The following PHLPP1 variants were observed in gnomAD, a reference collection of about 807,000 sequenced individuals.
PHLPP1 encodes the protein PH domain and leucine rich repeat protein phosphatase 1.
A neutral mutation model predicts 117.2 loss-of-function variants in PHLPP1; 42 were observed. The observed-to-expected ratio is 0.36, with a 90% CI of 0.28 to 0.46. The LOEUF is 0.46. Ranked by LOEUF, PHLPP1 falls within the 20% of genes least tolerant of loss-of-function variation. The pLI, the probability that PHLPP1 is intolerant of heterozygous loss-of-function variation, is 1.00. For missense variants in PHLPP1, 2,084 were observed against 2,241.9 expected (o/e 0.93, Z 1.42); for synonymous variants, 1,042 against 970.7 (o/e 1.07, Z -1.37).
intron 4 of PHLPP1, among the ~76,000 whole-genome samples, chr18:62,870,333 A>G (rs1599093741): frequency 6.6e-6 from 1 of 152,332 alleles, no homozygotes; most frequent in East Asian, 1.9e-4. Context: ...CCTCTTATAT[A>G]CATATATTTA....
rs906953515 is a variant in PHLPP1, at chr18:62,762,242, T to TA, written c.1576+44986dup. Among the ~76,000 whole-genome samples, 23 of 151,674 alleles carry TA rather than the reference T, an allele frequency of 1.5e-4. 1 individual carries two copies. The South Asian group carries it at 3.5e-3, about 23-fold the overall frequency. ...CATCTGTATTGAACAGATTGAGTCC[T>TA]AAAGAGGGAATTGATTGTTTAGGAT... On this transcript the variant is annotated intron_variant, in intron 1 of 16. Coordinates refer to ENST00000262719, the MANE Select transcript of PHLPP1 (RefSeq NM_194449.4).
chr18:62,777,424 A>G (rs1206123564), intron 1 of PHLPP1, among the ~76,000 whole-genome samples: 2 of 151,802 alleles, frequency 1.3e-5, no homozygotes, highest in African/African-American at 2.4e-5. Flanking sequence ...TATGCTGGAT[A>G]TTAGTCCTTG....
intron 1 of PHLPP1, among the ~76,000 whole-genome samples, chr18:62,801,235 G>A (rs1913773650): frequency 6.6e-6 from 1 of 151,258 alleles, no homozygotes; most frequent in African/African-American, 2.4e-5. Flanking sequence ...TAGAGACGGG[G>A]TTTCACCATG....
chr18:62,785,620 C>G (rs185866670), intron 1 of PHLPP1, among the ~76,000 whole-genome samples: 62 of 152,274 alleles, frequency 4.1e-4, no homozygotes, highest in African/African-American at 1.5e-3. Flanking sequence ...GCAAGAAAAG[C>G]GTAACATGAA....
At chr18:62,835,034 TG>T (rs1914853417) in intron 2 of PHLPP1, among the ~76,000 whole-genome samples, 1 of 152,238 alleles carries the variant, frequency 6.6e-6, no homozygotes, top group Non-Finnish European at 1.5e-5. Context: ...CTAAATGTTC[TG>T]GTTTATTCTA....
At chr18:62,801,836 A>C (rs1913794161) in intron 1 of PHLPP1, among the ~76,000 whole-genome samples, 1 of 151,734 alleles carries the variant, frequency 6.6e-6, no homozygotes, top group Non-Finnish European at 1.5e-5. Flanking sequence ...ATTTTAACAC[A>C]TTTTCTTACC....
chr18:62,730,073 T>A (rs1173838715), intron 1 of PHLPP1, among the ~76,000 whole-genome samples: 2 of 152,218 alleles, frequency 1.3e-5, no homozygotes, highest in Non-Finnish European at 2.9e-5. Context: ...GAGGCAGAAT[T>A]CAAGTTCAGG....
chr18:62,845,129 C>T (rs1193142739), intron 3 of PHLPP1, among the ~76,000 whole-genome samples: 3 of 152,100 alleles, frequency 2.0e-5, no homozygotes, highest in Non-Finnish European at 2.9e-5. Flanking sequence ...AACATGGTGA[C>T]GATGAAAACA....
chr18:62,912,261 C>G (rs1916973754), intron 8 of PHLPP1, among the ~76,000 whole-genome samples: 1 of 146,608 alleles, frequency 6.8e-6, no homozygotes, highest in South Asian at 2.1e-4. Context: ...ATGTAACTAA[C>G]CTGCACAATG....
chr18:62,776,377 T>G (rs566107204), intron 1 of PHLPP1, among the ~76,000 whole-genome samples: 1 of 152,190 alleles, frequency 6.6e-6, no homozygotes, highest in Admixed American at 6.5e-5. Flanking sequence ...CGTCGACTGA[T>G]TAGATTAGGC....
chr18:62,795,008 T>C (rs1913583133), intron 1 of PHLPP1, among the ~76,000 whole-genome samples: 1 of 152,184 alleles, frequency 6.6e-6, no homozygotes, highest in South Asian at 2.1e-4. Context: ...TTATTATCCA[T>C]CAGTTTCAGC....
intron 4 of PHLPP1, among the ~76,000 whole-genome samples, chr18:62,888,537 C>A (rs925619006): frequency 2.6e-5 from 4 of 151,930 alleles, no homozygotes; most frequent in Admixed American, 2.6e-4. Context: ...CCTGTCTTTA[C>A]CAAAAATACA....
intron 1 of PHLPP1, among the ~76,000 whole-genome samples, chr18:62,739,627 G>A (rs1177908538): frequency 6.6e-6 from 1 of 152,142 alleles, no homozygotes; most frequent in African/African-American, 2.4e-5. Flanking sequence ...GGCTAAGGAT[G>A]ATGGATGAAC....
intron 4 of PHLPP1, among the ~76,000 whole-genome samples, chr18:62,866,305 T>G (rs931226009): frequency 6.6e-6 from 1 of 151,462 alleles, no homozygotes; most frequent in Non-Finnish European, 1.5e-5. Context: ...AGTGCAATGG[T>G]GCGATCTTGA....
intron 1 of PHLPP1, among the ~76,000 whole-genome samples, chr18:62,791,498 C>T (rs1009063405): frequency 6.6e-6 from 1 of 152,204 alleles, no homozygotes; most frequent in Non-Finnish European, 1.5e-5. Flanking sequence ...TTTCTTGCTT[C>T]TGCAGAGGGA....
intron 14 of PHLPP1, among the ~76,000 whole-genome samples, chr18:62,970,461 G>A (rs890698985): frequency 2.0e-5 from 3 of 152,154 alleles, no homozygotes; most frequent in African/African-American, 4.8e-5. Flanking sequence ...GTTCTAAGGT[G>A]ATTTTTAAAA....
intron 1 of PHLPP1, among the ~76,000 whole-genome samples, chr18:62,768,760 G>A (rs1912644219): frequency 6.6e-6 from 1 of 152,084 alleles, no homozygotes; most frequent in Non-Finnish European, 1.5e-5. Flanking sequence ...GAAATTATAT[G>A]ATTACCTAAC....
At chr18:62,862,017 A>G (rs1008675423) in intron 4 of PHLPP1, among the ~76,000 whole-genome samples, 1 of 152,208 alleles carries the variant, frequency 6.6e-6, no homozygotes, top group Non-Finnish European at 1.5e-5. Flanking sequence ...AGATACTCCA[A>G]ATGTTAATGT....
chr18:62,791,141 A>G (rs1913444594), intron 1 of PHLPP1, among the ~76,000 whole-genome samples: 1 of 151,808 alleles, frequency 6.6e-6, no homozygotes, highest in Non-Finnish European at 1.5e-5. Context: ...TTGTCCTAGC[A>G]AGCGCTTAAT....
Sources: allele counts gnomAD v4.1 joint callset (sites outside exome capture counted in the v4.1 genomes callset), GRCh38; gene constraint gnomAD v4.1.1; transcripts MANE v1.5; gene names NCBI Gene and HGNC (gene_info 2026-07-23, HGNC 2026-07-21).